Variants in TMEM179 observed in about 807,000 individuals in gnomAD.
TMEM179 encodes the protein transmembrane protein 179, also known as transmembrane protein 179A.
TMEM179 carries 17 observed loss-of-function variants against 22.2 expected under a neutral mutation model. The ratio of observed to expected loss-of-function variants is 0.77; its 90% CI spans 0.52 to 1.15. The LOEUF (loss-of-function observed/expected upper bound fraction) is 1.15, where lower values mean the gene tolerates loss of function less well. TMEM179 is among the 50% of genes most tolerant of loss of function. The pLI is 0.00. For synonymous variants in TMEM179, 127 were observed against 140.5 expected (o/e 0.90, Z 0.68); for missense variants, 265 against 313.6 (o/e 0.84, Z 1.17).
rs747517617 is a variant in TMEM179 at position 104,593,517 on chromosome 14, G to C, written c.664C>G (p.Arg222Gly). The C allele has an allele frequency of 6.5e-7, 1 of 1,535,690 alleles. No homozygotes were observed. The highest frequency in any genetic ancestry group is 8.7e-7 in the Non-Finnish European group (1 of 1,146,702). The change falls in exon 4 of 4, where the codon CGC becomes GGC. Residue 222 changes from arginine (R) to glycine (G), a missense_variant. Coordinates refer to ENST00000556573, the MANE Select transcript of TMEM179 (RefSeq NM_001286389.2). ...CTCTTCTCCTCTTGGAAGGAGGTGC[G>C]TGGGGACGGCCGGGCCAGCAGCAGC... ...KELLLARPSP[R>G]TSFQEEKSAV...
chr14:104,597,178 G>T lies in TMEM179; in HGVS notation c.306-51C>A. On this transcript the variant is annotated intron_variant, in intron 1 of 3. Transcript: ENST00000556573. The surrounding 1 kb of genome is among the most constrained non-coding windows in gnomAD (Gnocchi z 4.8). ...GCTCACTGGACACCACCTCCCAGGC[G>T]ACCCCCGCCCCCAGGCTGCAGCCAG... is the stretch of plus-strand genomic sequence containing the variant. 1.3e-6 allele frequency: 2 copies of T among 1,533,026 alleles called. No individual in the cohort carries two copies. The highest frequency in any genetic ancestry group is 2.4e-5 in the South Asian group (2 of 83,018). The allele number at this position is 1,533,026 out of a possible 1,614,324, so 95.0% of individuals were successfully genotyped here.
intron 1 of TMEM179, among the ~76,000 whole-genome samples, chr14:104,601,082 G>A (rs887630319): frequency 6.6e-6 from 1 of 152,218 alleles, no homozygotes; most frequent in South Asian, 2.1e-4. Context: ...TCTCAGCTCC[G>A]TGGCTGGTCC....
intron 1 of TMEM179, among the ~76,000 whole-genome samples, chr14:104,602,658 G>C (rs191862460): frequency 6.6e-6 from 1 of 152,210 alleles, no homozygotes; most frequent in African/African-American, 2.4e-5. Flanking sequence ...ACCAGCCCTG[G>C]AGTGGGCTGA....
At position 104,595,321 on chromosome 14, in the gene TMEM179, A is replaced by G; in HGVS notation, c.444-78T>C. 7.0e-7 allele frequency: 1 copy of G among 1,435,680 alleles called. No homozygotes were observed. The highest frequency in any genetic ancestry group is 9.6e-7 in the Non-Finnish European group (1 of 1,046,360). The allele number at this position is 1,435,680 out of a possible 1,614,324, so 88.9% of individuals were successfully genotyped here. On this transcript the variant is annotated intron_variant, in intron 2 of 3. Transcript: ENST00000556573. This position sits in a 1 kb window ranked among gnomAD's most constrained non-coding sequence, Gnocchi z 5.7. ...GACATGGCTGAGCCGCTGGCCAGAGAGCCAGGAGCTTTGCCCTACAATTGT... is the reference window on the plus strand; with the variant it reads ...GACATGGCTGAGCCGCTGGCCAGAGGGCCAGGAGCTTTGCCCTACAATTGT...
chr14:104,602,742 A>T (rs1887282503), intron 1 of TMEM179, among the ~76,000 whole-genome samples: 1 of 152,210 alleles, frequency 6.6e-6, no homozygotes, highest in Admixed American at 6.5e-5. Context: ...GCAGGGCTCC[A>T]GCCACACAAT....
Position 104,597,910 on chromosome 14 carries a change from G to C in TMEM179, c.306-783C>G, listed in dbSNP as rs1887093103. Among the ~76,000 whole-genome samples, 1 of 152,238 alleles carries C rather than the reference G, an allele frequency of 6.6e-6. No individual in the cohort carries two copies. On this transcript the variant is annotated intron_variant, in intron 1 of 3. Coordinates refer to ENST00000556573, the MANE Select transcript of TMEM179 (RefSeq NM_001286389.2). This position sits in a 1 kb window ranked among gnomAD's most constrained non-coding sequence, Gnocchi z 4.8. The stretch of plus-strand genomic sequence containing the variant: ...GGCCAGGCTGTGATTGGGCCCATCT[G>C]ACCAGGGCCAGAGCATGGGGAGCGC...
At chr14:104,601,980 C>T (rs1382188408) in intron 1 of TMEM179, among the ~76,000 whole-genome samples, 3 of 152,198 alleles carry the variant, frequency 2.0e-5, no homozygotes, top group African/African-American at 7.2e-5. Flanking sequence ...GGCCACACAG[C>T]TGGCCTGCAT....
intron 1 of TMEM179, among the ~76,000 whole-genome samples, chr14:104,599,415 T>G (rs1887162996): frequency 6.6e-6 from 1 of 152,096 alleles, no homozygotes; most frequent in African/African-American, 2.4e-5. Flanking sequence ...CCAGGTCCCG[T>G]TAGCCAGGGA....
Position 104,597,002 on chromosome 14 carries a change from G to A in TMEM179, c.431C>T (p.Thr144Ile). The change falls in exon 2 of 4, where the codon ACC (threonine) becomes ATC (isoleucine). Residue 144 changes from threonine to isoleucine, a missense_variant. Physicochemically the swap from Thr to Ile is moderately conservative, Grantham distance 89 (BLOSUM62 -1). Coordinates refer to ENST00000556573, the MANE Select transcript of TMEM179 (RefSeq NM_001286389.2). The surrounding 1 kb of genome is among the most constrained non-coding windows in gnomAD (Gnocchi z 4.8). ...GGGGCGGGCGCACCTGTGGGGTACG[G>A]TGCCCTTCTCGGTGATGGTGTCGCA... ...MWCDTITEKGTVPHSCEELQD... is the reference protein window; with the variant it reads ...MWCDTITEKGIVPHSCEELQD... The A allele has an allele frequency of 6.2e-7, 1 of 1,606,380 alleles. No homozygotes were observed. Among genetic ancestry groups the A allele is most frequent in the South Asian group, 1.1e-5 (1 of 90,488 alleles).
rs1332798561 is a variant in TMEM179 at position 104,597,012 on chromosome 14, C to T, written c.421G>A (p.Glu141Lys). 3.1e-6 allele frequency: 5 copies of T among 1,607,964 alleles called. No individual in the cohort carries two copies. Among genetic ancestry groups the T allele is most frequent in the Admixed American group, 1.7e-5 (1 of 59,724 alleles). Residue 141 changes from glutamate to lysine, a missense_variant, in exon 2 of 4, where the codon GAG (glutamate) becomes AAG (lysine). Glu to Lys is a moderately conservative substitution (Grantham distance 56). Transcript: ENST00000556573. This position sits in a 1 kb window ranked among gnomAD's most constrained non-coding sequence, Gnocchi z 4.8. ...GFTMWCDTIT[E>K]KGTVPHSCEE... is the part of the protein sequence containing the mutation. ...CACCTGTGGGGTACGGTGCCCTTCT[C>T]GGTGATGGTGTCGCACCACATGGTG...
In TMEM179 at chr14:104,597,832, C is replaced by G. The variant is rs1887089655; in HGVS notation, c.306-705G>C. 6.6e-6 allele frequency among the ~76,000 whole-genome samples: 1 copy of G among 152,206 alleles called. No homozygotes were observed. The highest frequency in any genetic ancestry group is 2.1e-4 in the South Asian group (1 of 4,834). ...GGTCATCAGCGCGTGGCCTGGACCC[C>G]TGGTAGGACTTGCTTGATGGGCCAG... is the stretch of plus-strand genomic sequence containing the variant. On this transcript the variant is annotated intron_variant, in intron 1 of 3. Transcript: ENST00000556573. This position sits in a 1 kb window ranked among gnomAD's most constrained non-coding sequence, Gnocchi z 4.8.
Position 104,597,151 on chromosome 14 carries a change from A to G in TMEM179, c.306-24T>C. On this transcript the variant is annotated intron_variant, in intron 1 of 3. Transcript: ENST00000556573. The surrounding 1 kb of genome is among the most constrained non-coding windows in gnomAD (Gnocchi z 4.8). ...AGCTGCAGCCAGAAACAGGAGGGGCAGGCTCACTGGACACCACCTCCCAGG... is the reference window on the plus strand; with the variant it reads ...AGCTGCAGCCAGAAACAGGAGGGGCGGGCTCACTGGACACCACCTCCCAGG... The G allele has an allele frequency of 6.4e-7, 1 of 1,565,654 alleles. No homozygotes were observed. The highest frequency in any genetic ancestry group is 8.6e-7 in the Non-Finnish European group (1 of 1,157,508).
intron 3 of TMEM179, chr14:104,594,386 G>C: frequency 3.2e-6 from 4 of 1,231,778 alleles, no homozygotes; most frequent in Non-Finnish European, 4.0e-6. Context: ...CCTGGGGTCC[G>C]GAATTGGACC....
Position 104,604,327 on chromosome 14 carries a change from C to T in TMEM179, c.305+110G>A. 17 of 1,233,154 alleles carry T rather than the reference C, an allele frequency of 1.4e-5. No individual in the cohort carries two copies. Among genetic ancestry groups the T allele is most frequent in the Non-Finnish European group, 1.5e-5 (14 of 931,050 alleles). 76.4% of individuals were successfully genotyped at this position (1,233,154 alleles called of 1,614,324 possible). A position where few individuals can be genotyped will look rare whatever the true frequency, so the allele number is the denominator to read the frequency against. On this transcript the variant is annotated intron_variant, in intron 1 of 3. Coordinates refer to ENST00000556573, the MANE Select transcript of TMEM179 (RefSeq NM_001286389.2). The surrounding 1 kb of genome is among the most constrained non-coding windows in gnomAD (Gnocchi z 4.6). ...AGGGCGGATTGTTGACATTTGCGGG[C>T]CTCGGAGCTGCCTGAGAGACGGAGG...
In TMEM179 at chr14:104,593,360, C is replaced by A; in HGVS notation, c.*119G>T. On this transcript the variant is annotated 3_prime_UTR_variant, in exon 4 of 4. Transcript: ENST00000556573. ...CACTACACGTGGCGTCGAGGGGACA[C>A]ACGCAGGGCTGCATGTGGCCAGGGC... 2 of 1,273,380 alleles carry A rather than the reference C, an allele frequency of 1.6e-6. No homozygotes were observed. The highest frequency in any genetic ancestry group is 2.1e-5 in the Admixed American group (1 of 46,872). 78.9% of individuals were successfully genotyped at this position (1,273,380 alleles called of 1,614,324 possible).
Position 104,595,736 on chromosome 14 carries a change from T to G in TMEM179, c.444-493A>C, listed in dbSNP as rs1479565559. ...ATGGAGGTGGCATCCCCACCAACGC[T>G]GCCCAGAAGCTCTGCCCCCATCACG... is the stretch of plus-strand genomic sequence containing the variant. On this transcript the variant is annotated intron_variant, in intron 2 of 3. Coordinates refer to ENST00000556573, the MANE Select transcript of TMEM179 (RefSeq NM_001286389.2). This position sits in a 1 kb window ranked among gnomAD's most constrained non-coding sequence, Gnocchi z 5.7. 6.6e-6 allele frequency among the ~76,000 whole-genome samples: 1 copy of G among 152,140 alleles called. No individual in the cohort carries two copies. The highest frequency in any genetic ancestry group is 1.9e-4 in the East Asian group (1 of 5,184).
chr14:104,603,114 A>T lies in TMEM179; in HGVS notation c.305+1323T>A, dbSNP rs527680717. Among the ~76,000 whole-genome samples the T allele has an allele frequency of 1.2e-4, 19 of 152,270 alleles. 1 individual carries two copies. The highest frequency in any genetic ancestry group is 4.6e-4 in the Admixed American group (7 of 15,308). ...GGTGCAACTGTGCTGCAGCAGCCCC[A>T]GGGCGCTCCTACCCACAGGCGCTGG... On this transcript the variant is annotated intron_variant, in intron 1 of 3. Coordinates refer to ENST00000556573, the MANE Select transcript of TMEM179 (RefSeq NM_001286389.2).
intron 3 of TMEM179, among the ~76,000 whole-genome samples, chr14:104,593,925 A>G (rs940257771): frequency 2.6e-5 from 4 of 152,176 alleles, no homozygotes; most frequent in Non-Finnish European, 5.9e-5. Flanking sequence ...ACTCAGACCA[A>G]CCCTCACTCC....
chr14:104,601,499 CTT>C (rs1192508431), intron 1 of TMEM179, among the ~76,000 whole-genome samples: 1 of 152,162 alleles, frequency 6.6e-6, no homozygotes, highest in African/African-American at 2.4e-5. Context: ...TGAGATGGCT[CTT>C]GAGAGCGTTA....
Sources: gnomAD v4.1 joint callset for allele counts (sites outside exome capture counted in the v4.1 genomes callset) on GRCh38, gnomAD v4.1.1 for gene constraint, Gnocchi (gnomAD v3.1) non-coding constraint, MANE v1.5 for transcripts, NCBI Gene and HGNC (gene_info 2026-07-23, HGNC 2026-07-21) for gene names.